PHF10: variants seen among roughly 807,000 people sequenced by gnomAD.
PHF10 encodes PHD finger protein 10.
Under a neutral mutation model 68.5 loss-of-function variants are expected in PHF10, and 51 were observed. The observed-to-expected ratio is 0.74, with a 90% CI of 0.59 to 0.94. The LOEUF (loss-of-function observed/expected upper bound fraction) is 0.94, where lower values mean the gene tolerates loss of function less well. PHF10 is among the 40% of genes least tolerant of loss of function. The pLI, the probability that PHF10 is intolerant of heterozygous loss-of-function variation, is 0.00. For missense variants in PHF10, 460 were observed against 602.6 expected, an observed-to-expected ratio of 0.76 and a Z score of 2.48; for synonymous variants, 204 against 203.5, an observed-to-expected ratio of 1.00 and a Z score of -0.02.
chr6:169,723,986 CG>C lies in PHF10; in HGVS notation c.-56del. The C allele has an allele frequency of 2.2e-6, 1 of 451,608 alleles. No individual in the cohort carries two copies. Among genetic ancestry groups the C allele is most frequent in the Non-Finnish European group, 2.9e-6 (1 of 346,544 alleles). 28.0% of individuals were successfully genotyped at this position (451,608 alleles called of 1,614,324 possible). ...GCCGTCGCCTCCGCCTTGTCCCGGC[CG>C]CCGCCGCCGCTGCCGCCGCCGCCGC... is the stretch of plus-strand genomic sequence containing the variant. On this transcript the variant is annotated 5_prime_UTR_variant, in exon 1 of 12. Transcript: ENST00000339209.
At chr6:169,710,924 C>T (rs1312748378) in intron 8 of PHF10, among the ~76,000 whole-genome samples, 1 of 151,862 alleles carries the variant, frequency 6.6e-6, no homozygotes. Flanking sequence ...CTATCTACAA[C>T]AGGATCTGAA....
intron 6 of PHF10, 147 bp downstream of exon 6, chr6:169,715,561 A>T: frequency 1.3e-6 from 1 of 766,134 alleles, no homozygotes. Context: ...AGACTCTGCC[A>T]CAAAAAACAA....
At chr6:169,705,076 A>C (rs1788731784) in intron 11 of PHF10, 57 bp downstream of exon 11, 3 of 1,313,470 alleles carry the variant, frequency 2.3e-6, no homozygotes, top group Non-Finnish European at 3.2e-6. Context: ...AGCCTTTTGG[A>C]GTGCTGGGAG....
intron 7 of PHF10, among the ~76,000 whole-genome samples, chr6:169,714,413 A>C (rs942210284): frequency 2.0e-5 from 3 of 152,386 alleles, no homozygotes; most frequent in Admixed American, 6.5e-5. Context: ...CATTTCCAAC[A>C]AGCTTCTGAG....
intron 9 of PHF10, chr6:169,708,916 T>C (rs1308990133): frequency 2.0e-5 from 3 of 152,244 alleles, no homozygotes; most frequent in East Asian, 3.9e-4. Context: ...TGGAGCTCAC[T>C]TGCTTTCAGT....
chr6:169,717,379 C>T (rs968278462), intron 4 of PHF10, among the ~76,000 whole-genome samples: 2 of 152,230 alleles, frequency 1.3e-5, no homozygotes, highest in Non-Finnish European at 2.9e-5. Flanking sequence ...GCATTTAATA[C>T]ATCTAGCCTA....
At chr6:169,723,801 C>A in intron 1 of PHF10, 44 bp downstream of exon 1, 1 of 654,262 alleles carries the variant, frequency 1.5e-6, no homozygotes, top group South Asian at 7.0e-5. Flanking sequence ...GGCACCCAGG[C>A]CCGGGACGGG....
rs111252190 is a variant in PHF10 at position 169,715,482 on chromosome 6, G to A, written c.693+226C>T. Among the ~76,000 whole-genome samples, 2,369 of 152,146 alleles carry A rather than the reference G, an allele frequency of 0.016. 36 individuals are homozygous for A. The highest frequency in any genetic ancestry group is 0.039 in the African/African-American group (1,610 of 41,514). ...ATGGGGAGGCTGAGGCAGAAGCATC[G>A]CCTGAACCCGGGAGGCGGAGGTTGC... is the stretch of plus-strand genomic sequence containing the variant. On this transcript the variant is annotated intron_variant, in intron 6 of 11. Transcript: ENST00000339209.
chr6:169,714,260 G>A (rs1788993180), intron 7 of PHF10, among the ~76,000 whole-genome samples: 1 of 152,214 alleles, frequency 6.6e-6, no homozygotes, highest in African/African-American at 2.4e-5. Flanking sequence ...AGTTGCCCAT[G>A]CCTGCCCCTC....
chr6:169,706,721 CAT>C (rs1788802139), intron 9 of PHF10, among the ~76,000 whole-genome samples: 1 of 87,528 alleles, frequency 1.1e-5, no homozygotes, highest in South Asian at 3.9e-4. Flanking sequence ...GACATACATA[CAT>C]ACATACACAC....
At position 169,715,848 on chromosome 6, in the gene PHF10, G is replaced by A. The variant is rs367565368; in HGVS notation, c.553C>T (p.Gln185Ter). The change falls in exon 6 of 12, where the codon CAA (glutamine) becomes TAA (stop). Residue 185 changes from glutamine (Q) to a stop codon, truncating the protein, a stop_gained. Coordinates refer to ENST00000339209, the MANE Select transcript of PHF10 (RefSeq NM_018288.4). LOFTEE classifies it high-confidence loss of function. ...GCTTCAACTTTCTGAGTATTCTGTT[G>A]TTGCATTTGCTGGAAAAAAAAAATA... ...DHYKEYSQMQQQNTQKVEASK... is the reference protein window; with the variant it reads ...DHYKEYSQMQ 6.2e-7 allele frequency: 1 copy of A among 1,606,740 alleles called. No individual in the cohort carries two copies. Among genetic ancestry groups the A allele is most frequent in the Non-Finnish European group, 8.5e-7 (1 of 1,176,880 alleles).
intron 8 of PHF10, among the ~76,000 whole-genome samples, 188 bp from the exon 9 acceptor site, chr6:169,710,579 C>G (rs949573842): frequency 1.3e-5 from 2 of 152,086 alleles, no homozygotes; most frequent in Non-Finnish European, 2.9e-5. Context: ...AAAAATCATT[C>G]CTCCTTCTTC....
chr6:169,715,185 T>G (rs1343625928), intron 6 of PHF10, among the ~76,000 whole-genome samples: 2 of 152,042 alleles, frequency 1.3e-5, no homozygotes, highest in Non-Finnish European at 2.9e-5. Flanking sequence ...AGAATTAACA[T>G]GCAAATCTCT....
At chr6:169,718,005 T>C (rs1177477294) in intron 3 of PHF10, 99 bp from the exon 4 acceptor site, 3 of 535,068 alleles carry the variant, frequency 5.6e-6, no homozygotes, top group South Asian at 3.0e-5. Context: ...AAAGTATTCA[T>C]ATTACATATT....
chr6:169,709,992 A>T (rs1393586713), intron 9 of PHF10: 3 of 281,834 alleles, frequency 1.1e-5, no homozygotes, highest in Non-Finnish European at 2.0e-5. Flanking sequence ...ATTCTTTCAA[A>T]GAAAAAAAAA....
Position 169,723,950 on chromosome 6 carries a change from CCGCCGCCGCCGCCG to C in PHF10, c.-33_-20del. 1.3e-6 allele frequency: 1 copy of C among 775,682 alleles called. No homozygotes were observed. Among genetic ancestry groups the C allele is most frequent in the Non-Finnish European group, 1.6e-6 (1 of 639,820 alleles). 48.0% of individuals were successfully genotyped at this position (775,682 alleles called of 1,614,324 possible). A position where few individuals can be genotyped will look rare whatever the true frequency, so the allele number is the denominator to read the frequency against. On this transcript the variant is annotated 5_prime_UTR_variant, in exon 1 of 12. Transcript: ENST00000339209. Reference sequence around the variant, plus strand: ...CCGCCATCAGCCCGAGCGCCCCGCGCCGCCGCCGCCGCCGTCGCCTCCGCCTTGTCCCGGCCGCC... The same window carrying C: ...CCGCCATCAGCCCGAGCGCCCCGCGCTCGCCTCCGCCTTGTCCCGGCCGCC...
chr6:169,715,919 C>T (rs777865148), intron 5 of PHF10, 36 bp downstream of exon 5: 1 of 1,596,080 alleles, frequency 6.3e-7, no homozygotes, highest in Admixed American at 1.8e-5. Context: ...TTTTCCCCAA[C>T]CCAAATAAAA....
intron 2 of PHF10, among the ~76,000 whole-genome samples, chr6:169,719,635 C>G (rs1355257427): frequency 6.6e-6 from 1 of 152,188 alleles, no homozygotes; most frequent in Admixed American, 6.5e-5. Flanking sequence ...AACTGGGTAT[C>G]CACATGCAAA....
chr6:169,714,179 G>A (rs983566019), intron 7 of PHF10, among the ~76,000 whole-genome samples: 3 of 152,130 alleles, frequency 2.0e-5, no homozygotes, highest in Non-Finnish European at 4.4e-5. Flanking sequence ...TTGGGAATAG[G>A]AGATAAGTAA....
Sources: allele counts gnomAD v4.1 joint callset (sites outside exome capture counted in the v4.1 genomes callset), GRCh38; gene constraint gnomAD v4.1.1; transcripts MANE v1.5; gene names NCBI Gene and HGNC (gene_info 2026-07-23, HGNC 2026-07-21).